EFNA5: variants seen among roughly 807,000 people sequenced by gnomAD.
The protein encoded by EFNA5 is ephrin-A5.
Under a neutral mutation model 22.9 loss-of-function variants are expected in EFNA5, and 5 were observed. That is an observed-to-expected ratio of 0.22 (90% CI 0.11 to 0.46). The LOEUF is 0.46. Ranked by LOEUF, EFNA5 falls within the 20% of genes least tolerant of loss-of-function variation. EFNA5 has a pLI of 0.99. For synonymous variants in EFNA5, 113 were observed against 112.2 expected, an observed-to-expected ratio of 1.01 and a Z score of -0.04; for missense variants, 237 against 293.3, an observed-to-expected ratio of 0.81 and a Z score of 1.40.
intron 1 of EFNA5, among the ~76,000 whole-genome samples, chr5:107,439,020 T>G (rs752515697): frequency 6.6e-6 from 1 of 152,166 alleles, no homozygotes; most frequent in African/African-American, 2.4e-5. Context: ...ATTTTAGGAT[T>G]TTTTTTCTCT....
chr5:107,382,137 G>C (rs1230974534), intron 4 of EFNA5, among the ~76,000 whole-genome samples: 1 of 152,166 alleles, frequency 6.6e-6, no homozygotes, highest in Non-Finnish European at 1.5e-5. Flanking sequence ...TAGATTAAGT[G>C]AGTTAAGCTT....
intron 1 of EFNA5, among the ~76,000 whole-genome samples, chr5:107,550,213 A>G (rs467089): frequency 0.38 from 58,112 of 152,106 alleles, 11,644 homozygotes; most frequent in East Asian, 0.61. Flanking sequence ...CACAGGGAAC[A>G]ACTCTTGTCA....
At chr5:107,424,078 T>A in intron 2 of EFNA5, among the ~76,000 whole-genome samples, 1 of 152,046 alleles carries the variant, frequency 6.6e-6, no homozygotes, top group Admixed American at 6.5e-5. Flanking sequence ...CTTCCCTTCC[T>A]CCAAATCTGT....
chr5:107,528,834 T>C (rs1012562190), intron 1 of EFNA5, among the ~76,000 whole-genome samples: 1 of 152,216 alleles, frequency 6.6e-6, no homozygotes, highest in Non-Finnish European at 1.5e-5. Context: ...GATAGGTATA[T>C]AGATAATATG....
chr5:107,537,711 A>ATTTC (rs1580518868), intron 1 of EFNA5, among the ~76,000 whole-genome samples: 1 of 152,240 alleles, frequency 6.6e-6, no homozygotes, highest in East Asian at 1.9e-4. Context: ...TCAAAAAGGT[A>ATTTC]GAGTGCTTTT....
At chr5:107,512,337 A>G (rs562340023) in intron 1 of EFNA5, among the ~76,000 whole-genome samples, 1 of 150,502 alleles carries the variant, frequency 6.6e-6, no homozygotes, top group Non-Finnish European at 1.5e-5. Context: ...ACTGATTTGC[A>G]AGCTGAGGGG....
Position 107,490,571 on chromosome 5 carries a change from A to AATCTTC in EFNA5, c.126-63068_126-63063dup, listed in dbSNP as rs556945657. Among the ~76,000 whole-genome samples the AATCTTC allele has an allele frequency of 1.3e-3, 202 of 152,304 alleles. 1 individual carries two copies. The highest frequency in any genetic ancestry group is 4.6e-3 in the African/African-American group (192 of 41,564). On this transcript the variant is annotated intron_variant, in intron 1 of 4. Coordinates refer to ENST00000333274, the MANE Select transcript of EFNA5 (RefSeq NM_001962.3). ...TGCAGGCCTGCCAGCGAGGGGGTGA[A>AATCTTC]ATCTTCACCCTCACCTTTCAGGGAA...
At chr5:107,624,772 T>C (rs1202976989) in intron 1 of EFNA5, among the ~76,000 whole-genome samples, 2 of 152,114 alleles carry the variant, frequency 1.3e-5, no homozygotes, top group African/African-American at 4.8e-5. Flanking sequence ...TAACAACATA[T>C]ATAATAGTCC....
intron 1 of EFNA5, among the ~76,000 whole-genome samples, chr5:107,462,337 T>C (rs1221287605): frequency 6.6e-6 from 1 of 152,184 alleles, no homozygotes; most frequent in Non-Finnish European, 1.5e-5. Flanking sequence ...CTTTTGTTTA[T>C]ATAAATAGCT....
intron 1 of EFNA5, among the ~76,000 whole-genome samples, chr5:107,614,339 T>A (rs2112523169): frequency 6.6e-6 from 1 of 152,288 alleles, no homozygotes; most frequent in Admixed American, 6.5e-5. Context: ...TTGACAATGT[T>A]TAAATTTCAA....
At chr5:107,487,239 C>T (rs1746656440) in intron 1 of EFNA5, among the ~76,000 whole-genome samples, 1 of 152,184 alleles carries the variant, frequency 6.6e-6, no homozygotes, top group Non-Finnish European at 1.5e-5. Flanking sequence ...CCTCTTCCCC[C>T]CGGGTGAACA....
At chr5:107,652,078 CTAAA>C (rs1330434034) in intron 1 of EFNA5, among the ~76,000 whole-genome samples, 1 of 152,156 alleles carries the variant, frequency 6.6e-6, no homozygotes, top group African/African-American at 2.4e-5. Context: ...TAAAGCTGCT[CTAAA>C]TAAATAAAGT....
At chr5:107,640,981 T>TAGAC (rs1458033455) in intron 1 of EFNA5, among the ~76,000 whole-genome samples, 1 of 96,284 alleles carries the variant, frequency 1.0e-5, no homozygotes, top group Non-Finnish European at 2.4e-5. Context: ...GGCAGGTAGA[T>TAGAC]AGATAGATAG....
rs539743271 is a variant in EFNA5 at position 107,431,069 on chromosome 5, C to T, written c.126-3560G>A. ...GATTACAGGCGTGAGCCACCGCGCC[C>T]GGCCACAATTAGTATTTCTACCCTT... On this transcript the variant is annotated intron_variant, in intron 1 of 4. Transcript: ENST00000333274. 6.1e-4 allele frequency among the ~76,000 whole-genome samples: 93 copies of T among 152,238 alleles called. 1 individual carries two copies. The highest frequency in any genetic ancestry group is 3.4e-3 in the Middle Eastern group (1 of 294).
chr5:107,466,542 T>C (rs1749988651), intron 1 of EFNA5, among the ~76,000 whole-genome samples: 1 of 152,202 alleles, frequency 6.6e-6, no homozygotes, highest in South Asian at 2.1e-4. Context: ...AATGGAATGC[T>C]ACCCTTCCCA....
intron 2 of EFNA5, among the ~76,000 whole-genome samples, chr5:107,401,250 A>G (rs1166878037): frequency 6.6e-6 from 1 of 152,194 alleles, no homozygotes; most frequent in Non-Finnish European, 1.5e-5. Context: ...TGTCACACAA[A>G]TAGGAAGATT....
intron 2 of EFNA5, among the ~76,000 whole-genome samples, chr5:107,394,909 C>T (rs906289490): frequency 6.6e-6 from 1 of 151,894 alleles, no homozygotes; most frequent in African/African-American, 2.4e-5. Context: ...TTTGTTTCTG[C>T]TGCTTATTGA....
At chr5:107,418,787 T>C (rs910150304) in intron 2 of EFNA5, among the ~76,000 whole-genome samples, 7 of 152,178 alleles carry the variant, frequency 4.6e-5, no homozygotes, top group African/African-American at 1.7e-4. Flanking sequence ...TTGCAAACTT[T>C]CAAGATGGTC....
Position 107,626,245 on chromosome 5 carries a change from A to G in EFNA5, c.125+44244T>C, listed in dbSNP as rs183607824. On this transcript the variant is annotated intron_variant, in intron 1 of 4. Transcript: ENST00000333274. ...TTCACAAGTCATCATCCTAGCAAACAGAATAGTACACAGTATGTCTTCTTT... is the reference window on the plus strand; with the variant it reads ...TTCACAAGTCATCATCCTAGCAAACGGAATAGTACACAGTATGTCTTCTTT... Among the ~76,000 whole-genome samples, 589 of 152,326 alleles carry G rather than the reference A, an allele frequency of 3.9e-3. 5 individuals carry two copies. Among genetic ancestry groups the G allele is most frequent in the African/African-American group, 0.013 (529 of 41,578 alleles).
Sources: gnomAD v4.1 joint callset for allele counts (sites outside exome capture counted in the v4.1 genomes callset) on GRCh38, gnomAD v4.1.1 for gene constraint, MANE v1.5 for transcripts, NCBI Gene and HGNC (gene_info 2026-07-23, HGNC 2026-07-21) for gene names.